The following FAM184B variants were observed in gnomAD, a reference collection of about 807,000 sequenced individuals.
FAM184B encodes the protein family with sequence similarity 184 member B.
In FAM184B, 111 loss-of-function variants were observed where a neutral mutation model predicts 135.9. The ratio of observed to expected loss-of-function variants is 0.82; its 90% CI spans 0.70 to 0.96. FAM184B has a LOEUF of 0.96. FAM184B is among the 40% of genes least tolerant of loss of function. The probability of loss-of-function intolerance (pLI) is 0.00; values close to 1 mark genes in which losing one functional copy is unlikely to be tolerated. For synonymous variants in FAM184B, 552 were observed against 524.8 expected (o/e 1.05, Z -0.71); for missense variants, 1,375 against 1,323.9 (o/e 1.04, Z -0.60).
chr4:17,753,497 C>A (rs1015313925), intron 1 of FAM184B, among the ~76,000 whole-genome samples: 3 of 152,294 alleles, frequency 2.0e-5, no homozygotes, highest in South Asian at 2.1e-4. Context: ...TAAATCAGTT[C>A]TCCTACTGTC....
At chr4:17,717,937 G>A (rs7434869) in intron 1 of FAM184B, among the ~76,000 whole-genome samples, 177 of 152,288 alleles carry the variant, frequency 1.2e-3, no homozygotes, top group African/African-American at 3.9e-3. Context: ...GGGGAAAGCC[G>A]TGATTACTTT....
chr4:17,693,929 T>C (rs1716795280), intron 5 of FAM184B, among the ~76,000 whole-genome samples: 1 of 151,482 alleles, frequency 6.6e-6, no homozygotes, highest in South Asian at 2.1e-4. Context: ...CCGAGCAACA[T>C]AGTGAGATGG....
rs1415389367 is a variant in FAM184B at position 17,630,071 on chromosome 4, G to A, written c.*2461C>T. ...CTTTTCAGTCACCTGCAGCAAGAAAGGAGTCAAAACCTATGTACGATCTCA... is the reference window on the plus strand; with the variant it reads ...CTTTTCAGTCACCTGCAGCAAGAAAAGAGTCAAAACCTATGTACGATCTCA... On this transcript the variant is annotated 3_prime_UTR_variant, in exon 18 of 18. Coordinates refer to ENST00000265018, the MANE Select transcript of FAM184B (RefSeq NM_015688.2). 2 of 152,150 alleles carry A rather than the reference G, an allele frequency of 1.3e-5. No homozygotes were observed. Among genetic ancestry groups the A allele is most frequent in the East Asian group, 1.9e-4 (1 of 5,194 alleles). The allele number at this position is 152,150 out of a possible 1,614,324, so 9.4% of individuals were successfully genotyped here. A position where few individuals can be genotyped will look rare whatever the true frequency, so the allele number is the denominator to read the frequency against.
chr4:17,735,056 T>C (rs1717874796), intron 1 of FAM184B, among the ~76,000 whole-genome samples: 1 of 151,982 alleles, frequency 6.6e-6, no homozygotes, highest in Non-Finnish European at 1.5e-5. Context: ...TTGGAAATCA[T>C]CATTCTCAGC....
chr4:17,636,832 A>T (rs1176710574), intron 14 of FAM184B, among the ~76,000 whole-genome samples, 187 bp from the exon 15 acceptor site: 1 of 152,110 alleles, frequency 6.6e-6, no homozygotes, highest in Non-Finnish European at 1.5e-5. Context: ...CAGCTCTGTC[A>T]GGTCCCCTGA....
chr4:17,777,040 T>TA (rs1347634503), intron 1 of FAM184B, among the ~76,000 whole-genome samples: 10 of 152,172 alleles, frequency 6.6e-5, no homozygotes, highest in African/African-American at 2.4e-4. Flanking sequence ...CAAGAACACA[T>TA]AAAGACTTGC....
intron 11 of FAM184B, among the ~76,000 whole-genome samples, chr4:17,648,940 G>A (rs1361377411): frequency 6.6e-6 from 1 of 152,186 alleles, no homozygotes; most frequent in Non-Finnish European, 1.5e-5. Flanking sequence ...TTTTCTGATA[G>A]AGCAGATGCT....
chr4:17,684,455 G>GA (rs1237876045), intron 7 of FAM184B, among the ~76,000 whole-genome samples: 1 of 152,072 alleles, frequency 6.6e-6, no homozygotes, highest in East Asian at 1.9e-4. Flanking sequence ...TTGCTTATTT[G>GA]AAAAGAGGCC....
chr4:17,700,182 AC>A (rs1716953295), intron 5 of FAM184B, among the ~76,000 whole-genome samples: 1 of 152,206 alleles, frequency 6.6e-6, no homozygotes, highest in African/African-American at 2.4e-5. Flanking sequence ...ACAAGATGGT[AC>A]ACTTAATGAT....
At chr4:17,764,987 G>T (rs1240509926) in intron 1 of FAM184B, among the ~76,000 whole-genome samples, 1 of 152,150 alleles carries the variant, frequency 6.6e-6, no homozygotes, top group East Asian at 1.9e-4. Context: ...GATCACTTGA[G>T]CCCAGGAGGT....
chr4:17,691,727 G>A (rs1281820915), intron 6 of FAM184B, among the ~76,000 whole-genome samples: 1 of 150,830 alleles, frequency 6.6e-6, no homozygotes, highest in Non-Finnish European at 1.5e-5. Flanking sequence ...GAGCTCTAAG[G>A]CACATTCACA....
chr4:17,721,193 C>T (rs1195264864), intron 1 of FAM184B, among the ~76,000 whole-genome samples: 2 of 151,624 alleles, frequency 1.3e-5, no homozygotes, highest in Non-Finnish European at 1.5e-5. Flanking sequence ...ACCATCCTGG[C>T]TAACACAGTG....
At chr4:17,640,800 T>A (rs1287193886) in intron 13 of FAM184B, among the ~76,000 whole-genome samples, 1 of 152,240 alleles carries the variant, frequency 6.6e-6, no homozygotes, top group Non-Finnish European at 1.5e-5. Context: ...AGAAAGGCTC[T>A]GAGTTCAGGA....
intron 1 of FAM184B, among the ~76,000 whole-genome samples, chr4:17,743,610 C>G (rs914933088): frequency 3.9e-5 from 6 of 152,198 alleles, no homozygotes; most frequent in African/African-American, 1.4e-4. Flanking sequence ...TGTCCTCATC[C>G]AAATGTGCTT....
intron 5 of FAM184B, among the ~76,000 whole-genome samples, chr4:17,698,553 G>A (rs979823): frequency 0.61 from 93,048 of 151,904 alleles, 29,065 homozygotes; most frequent in East Asian, 0.93. Flanking sequence ...AGCTGAAAGA[G>A]TCAACCAGTA....
intron 7 of FAM184B, among the ~76,000 whole-genome samples, chr4:17,684,387 A>G (rs1340055537): frequency 6.6e-6 from 1 of 152,070 alleles, no homozygotes; most frequent in Non-Finnish European, 1.5e-5. Flanking sequence ...GGAAGAAGGA[A>G]GATGCTTTCC....
intron 1 of FAM184B, among the ~76,000 whole-genome samples, chr4:17,763,832 G>A (rs905582120): frequency 6.6e-6 from 1 of 152,154 alleles, no homozygotes; most frequent in Admixed American, 6.5e-5. Flanking sequence ...TGTTTGAGGG[G>A]CATGCTTTTT....
chr4:17,641,702 GT>G (rs1366120225), intron 13 of FAM184B, among the ~76,000 whole-genome samples: 1 of 122,192 alleles, frequency 8.2e-6, no homozygotes. Context: ...GTTTCATCAT[GT>G]TGTCCAGGCT....
chr4:17,698,270 G>A (rs1323078691), intron 5 of FAM184B, among the ~76,000 whole-genome samples: 2 of 152,024 alleles, frequency 1.3e-5, no homozygotes, highest in African/African-American at 2.4e-5. Context: ...CAGGAAAACA[G>A]GTTTTATGGC....
Sources: gnomAD v4.1 joint callset for allele counts (sites outside exome capture counted in the v4.1 genomes callset) on GRCh38, gnomAD v4.1.1 for gene constraint, MANE v1.5 for transcripts, NCBI Gene and HGNC (gene_info 2026-07-23, HGNC 2026-07-21) for gene names.